The following DLX6 variants were observed in gnomAD, a reference collection of about 807,000 sequenced individuals.
DLX6 encodes the protein distal-less homeobox 6.
Under a neutral mutation model 33.5 loss-of-function variants are expected in DLX6, and 4 were observed. The observed-to-expected ratio is 0.12, with a 90% CI of 0.06 to 0.27. DLX6 has a LOEUF of 0.27. Ranked by LOEUF, DLX6 falls within the 10% of genes least tolerant of loss-of-function variation. The pLI, the probability that DLX6 is intolerant of heterozygous loss-of-function variation, is 1.00. For missense variants in DLX6, 382 were observed against 393.3 expected (o/e 0.97, Z 0.24); for synonymous variants, 184 against 164.8 (o/e 1.12, Z -0.89).
intron 2 of DLX6, 125 bp downstream of exon 2, chr7:97,007,956 C>G: frequency 1.0e-6 from 1 of 981,918 alleles, no homozygotes. Flanking sequence ...TGACAAATGC[C>G]TTTTGCTCCA....
At chr7:97,008,289 CA>C (rs1789780718) in intron 2 of DLX6, among the ~76,000 whole-genome samples, 1 of 152,126 alleles carries the variant, frequency 6.6e-6, no homozygotes, top group African/African-American at 2.4e-5. Context: ...TAAGAAAAAA[CA>C]AAGTAGGCAT....
intron 1 of DLX6, 141 bp downstream of exon 1, chr7:97,006,554 C>A: frequency 4.9e-6 from 4 of 822,448 alleles, no homozygotes; most frequent in Non-Finnish European, 6.3e-6. Context: ...GGGCCCCGTG[C>A]GCGCCCGCTC....
At chr7:97,008,157 A>G (rs1053193706) in intron 2 of DLX6, among the ~76,000 whole-genome samples, 3 of 152,214 alleles carry the variant, frequency 2.0e-5, no homozygotes, top group Non-Finnish European at 4.4e-5. Flanking sequence ...CATTTAGGAG[A>G]AAAAGGTGTA....
chr7:97,008,132 A>T (rs1222996959), intron 2 of DLX6, among the ~76,000 whole-genome samples: 1 of 152,210 alleles, frequency 6.6e-6, no homozygotes, highest in Non-Finnish European at 1.5e-5. Flanking sequence ...GCAGAACAAC[A>T]TGAAAGAGAA....
At chr7:97,008,281 A>T (rs1158414805) in intron 2 of DLX6, among the ~76,000 whole-genome samples, 6 of 152,258 alleles carry the variant, frequency 3.9e-5, no homozygotes, top group Non-Finnish European at 8.8e-5. Context: ...AAATGAACTA[A>T]GAAAAAACAA....
Position 97,006,203 on chromosome 7 carries a change from TCGGCGGCGGCGG to T in DLX6, c.231_242del (p.Ala80_Ala83del). 1 of 1,491,328 alleles carries T rather than the reference TCGGCGGCGGCGG, an allele frequency of 6.7e-7. No homozygotes were observed. The highest frequency in any genetic ancestry group is 1.4e-5 in the African/African-American group (1 of 69,038). 92.4% of individuals were successfully genotyped at this position (1,491,328 alleles called of 1,614,324 possible). A position where few individuals can be genotyped will look rare whatever the true frequency, so the allele number is the denominator to read the frequency against. On this transcript the variant is annotated inframe_deletion, in exon 1 of 3. Coordinates refer to ENST00000518156, the MANE Select transcript of DLX6 (RefSeq NM_005222.4). ...GCACTACCCTCTGCACTGCCTGCAC[TCGGCGGCGGCGG>T]CGGCAGCGGCCGGCTCGCACCACCA...
intron 1 of DLX6, 64 bp downstream of exon 1, chr7:97,006,477 G>T (rs1789734678): frequency 3.9e-6 from 4 of 1,018,538 alleles, no homozygotes; most frequent in South Asian, 5.0e-5. Flanking sequence ...CCGCCCGCCC[G>T]CTCACTTCCT....
rs771116990 is a variant in DLX6, at chr7:97,010,057, G to T, written c.*10G>T. 1.3e-6 allele frequency: 2 copies of T among 1,580,834 alleles called. No homozygotes were observed. Among genetic ancestry groups the T allele is most frequent in the South Asian group, 2.3e-5 (2 of 86,946 alleles). ...ACCACAGATGATGTGAGTTGCCCAA[G>T]GGAACACCCTAGGGAAACGTCTGAA... On this transcript the variant is annotated 3_prime_UTR_variant, in exon 3 of 3. Transcript: ENST00000518156.
chr7:97,007,605 G>C (rs1255141883), intron 1 of DLX6, 33 bp from the exon 2 acceptor site: 4 of 1,577,880 alleles, frequency 2.5e-6, no homozygotes, highest in Admixed American at 1.8e-5. Context: ...GTAGCCTCCC[G>C]GGTGACCGCT....
chr7:97,010,557 A>T lies in DLX6; in HGVS notation c.*510A>T, dbSNP rs1376823565. Reference sequence around the variant, plus strand: ...TCTGCACAAACTTGGCAGCGTTTTTACTTGTTTAATGAGTTTAAGACATTA... The same window carrying T: ...TCTGCACAAACTTGGCAGCGTTTTTTCTTGTTTAATGAGTTTAAGACATTA... On this transcript the variant is annotated 3_prime_UTR_variant, in exon 3 of 3. Coordinates refer to ENST00000518156, the MANE Select transcript of DLX6 (RefSeq NM_005222.4). 1 of 153,728 alleles carries T rather than the reference A, an allele frequency of 6.5e-6. No homozygotes were observed. Among genetic ancestry groups the T allele is most frequent in the East Asian group, 1.9e-4 (1 of 5,226 alleles). The allele number at this position is 153,728 out of a possible 1,614,324, so 9.5% of individuals were successfully genotyped here. A position where few individuals can be genotyped will look rare whatever the true frequency, so the allele number is the denominator to read the frequency against.
Position 97,006,140 on chromosome 7 carries a change from C to A in DLX6, c.163C>A (p.Pro55Thr). Reference sequence around the variant, plus strand: ...GCCGCCGCCGCCGCCGCCGCCGCAGCCGCACTCGCAGCAGAGCTCCCCGGC... The same window carrying A: ...GCCGCCGCCGCCGCCGCCGCCGCAGACGCACTCGCAGCAGAGCTCCCCGGC... ...PPPPPPPPPQPHSQQSSPAMA... is the reference protein window; with the variant it reads ...PPPPPPPPPQTHSQQSSPAMA... The change falls in exon 1 of 3, where the codon CCG becomes ACG. Residue 55 changes from proline to threonine, a missense_variant. Physicochemically the swap from Pro to Thr is conservative, Grantham distance 38. This residue lies in a region of DLX6 where 257 missense variants were observed against 206.9 expected (regional missense o/e 1.24). Coordinates refer to ENST00000518156, the MANE Select transcript of DLX6 (RefSeq NM_005222.4). The A allele has an allele frequency of 6.5e-7, 1 of 1,543,424 alleles. No individual in the cohort carries two copies. The highest frequency in any genetic ancestry group is 1.7e-4 in the Middle Eastern group (1 of 5,894).
chr7:97,005,933 G>T lies in DLX6; in HGVS notation c.-45G>T. 6.7e-7 allele frequency: 1 copy of T among 1,497,040 alleles called. No homozygotes were observed. Among genetic ancestry groups the T allele is most frequent in the South Asian group, 1.3e-5 (1 of 76,244 alleles). 92.7% of individuals were successfully genotyped at this position (1,497,040 alleles called of 1,614,324 possible). On this transcript the variant is annotated 5_prime_UTR_variant, in exon 1 of 3. Coordinates refer to ENST00000518156, the MANE Select transcript of DLX6 (RefSeq NM_005222.4). ...CGGCGCGAGCCAAGTGGGGGAGGGTGGAGGAAACCCGGGAGAAGGCTTTCT... is the reference window on the plus strand; with the variant it reads ...CGGCGCGAGCCAAGTGGGGGAGGGTTGAGGAAACCCGGGAGAAGGCTTTCT...
At chr7:97,008,684 A>G (rs1197534505) in intron 2 of DLX6, among the ~76,000 whole-genome samples, 1 of 152,178 alleles carries the variant, frequency 6.6e-6, no homozygotes, top group Non-Finnish European at 1.5e-5. Flanking sequence ...ACCTACATGG[A>G]GTAAGTAGGC....
chr7:97,009,710 T>C, intron 2 of DLX6, 86 bp from the exon 3 acceptor site: 2 of 1,534,854 alleles, frequency 1.3e-6, no homozygotes, highest in Non-Finnish European at 1.7e-6. Flanking sequence ...TTTTTTGCTT[T>C]TTTAATATTG....
chr7:97,009,654 G>A (rs1789804817), intron 2 of DLX6, 142 bp from the exon 3 acceptor site: 3 of 1,202,170 alleles, frequency 2.5e-6, no homozygotes, highest in Non-Finnish European at 2.3e-6. Context: ...AAGGAGGCGG[G>A]GACTTGGCTT....
At chr7:97,009,772 T>A (rs2115876166) in intron 2 of DLX6, 24 bp from the exon 3 acceptor site, 2 of 1,610,212 alleles carry the variant, frequency 1.2e-6, no homozygotes, top group East Asian at 2.2e-5. Context: ...TTTATGGGCC[T>A]AATGATTGCT....
intron 2 of DLX6, among the ~76,000 whole-genome samples, chr7:97,008,054 G>A (rs1479129874): frequency 6.6e-6 from 1 of 152,066 alleles, no homozygotes; most frequent in Non-Finnish European, 1.5e-5. Context: ...CCCAACCCTC[G>A]GCGACCCCAC....
chr7:97,009,986 G>C lies in DLX6; in HGVS notation c.821G>C (p.Gly274Ala). 3 of 1,611,508 alleles carry C rather than the reference G, an allele frequency of 1.9e-6. No homozygotes were observed. The highest frequency in any genetic ancestry group is 2.5e-6 in the Non-Finnish European group (3 of 1,178,738). ...VSMPPNSYMP[G>A]YSHWYSSPHQ... ...ATGCCCCCCAACAGCTACATGCCTG[G>C]CTATTCTCACTGGTACTCCTCTCCA... is the stretch of plus-strand genomic sequence containing the variant. The change falls in exon 3 of 3, where the codon GGC (glycine) becomes GCC (alanine). Residue 274 changes from glycine to alanine, a missense_variant. By Grantham distance (60) the Gly-to-Ala change is moderately conservative. Coordinates refer to ENST00000518156, the MANE Select transcript of DLX6 (RefSeq NM_005222.4).
chr7:97,006,437 G>C (rs757806222), intron 1 of DLX6, 24 bp downstream of exon 1: 1 of 1,292,260 alleles, frequency 7.7e-7, no homozygotes, highest in Non-Finnish European at 9.9e-7. Context: ...GGGGCAGCTC[G>C]CTTCTCCCGC....
Sources: allele counts gnomAD v4.1 joint callset (sites outside exome capture counted in the v4.1 genomes callset), GRCh38; gene constraint gnomAD v4.1.1; regional missense constraint gnomAD v4.1.1; transcripts MANE v1.5; gene names NCBI Gene and HGNC (gene_info 2026-07-23, HGNC 2026-07-21).